Variants in TEX52 observed in about 807,000 individuals in gnomAD.
TEX52 encodes the protein testis expressed 52.
In TEX52, 22 loss-of-function variants were observed where a neutral mutation model predicts 17.6. That is an observed-to-expected ratio of 1.25 (90% CI 0.89 to 1.78). The LOEUF (loss-of-function observed/expected upper bound fraction) is 1.78. Among genes scored for constraint, TEX52 ranks in the 40% most tolerant of loss-of-function variants. TEX52 has a pLI of 0.00. For synonymous variants in TEX52, 168 were observed against 147.4 expected (o/e 1.14, Z -1.01); for missense variants, 396 against 372.3 (o/e 1.06, Z -0.52).
chr12:2,849,095 G>A lies in TEX52; in HGVS notation c.*136C>T. The A allele has an allele frequency of 1.2e-6, 1 of 867,420 alleles. No homozygotes were observed. The highest frequency in any genetic ancestry group is 1.7e-6 in the Non-Finnish European group (1 of 582,652). 53.7% of individuals were successfully genotyped at this position (867,420 alleles called of 1,614,324 possible). ...GGGGTACAGAGGTGGCTTGAGGCTG[G>A]GAGGATGGTGGAGAGGCTGTTCTGC... On this transcript the variant is annotated 3_prime_UTR_variant, in exon 3 of 3. Coordinates refer to ENST00000637658, the MANE Select transcript of TEX52 (RefSeq NM_001365174.2).
intron 2 of TEX52, 130 bp from the exon 3 acceptor site, chr12:2,849,655 C>T (rs1176176248): frequency 7.9e-6 from 8 of 1,010,534 alleles, no homozygotes; most frequent in Non-Finnish European, 1.1e-5. Context: ...CAGGGAATCC[C>T]TTCTGTCTCT....
intron 2 of TEX52, among the ~76,000 whole-genome samples, chr12:2,852,313 G>A (rs1414534284): frequency 6.6e-6 from 1 of 152,138 alleles, no homozygotes; most frequent in Non-Finnish European, 1.5e-5. Flanking sequence ...CTGTATGTAT[G>A]CTAGGCCCTG....
In TEX52 at chr12:2,855,407, A is replaced by T; in HGVS notation, c.112T>A (p.Trp38Arg). ...GGGAGGAAGAACTCACGCTGAGCCCACGTTTGGGAGGGTGGGAGGGACTCG... is the reference window on the plus strand; with the variant it reads ...GGGAGGAAGAACTCACGCTGAGCCCTCGTTTGGGAGGGTGGGAGGGACTCG... ...ASESLPPSQT[W>R]AQREFFLPSE... is the part of the protein sequence containing the mutation. The change falls in exon 2 of 3, where the codon TGG (tryptophan) becomes AGG (arginine). Residue 38 changes from tryptophan to arginine, a missense_variant. Transcript: ENST00000637658. 1 of 656,776 alleles carries T rather than the reference A, an allele frequency of 1.5e-6. No homozygotes were observed. The highest frequency in any genetic ancestry group is 2.3e-6 in the Non-Finnish European group (1 of 428,976). The allele number at this position is 656,776 out of a possible 1,614,324, so 40.7% of individuals were successfully genotyped here. A position where few individuals can be genotyped will look rare whatever the true frequency, so the allele number is the denominator to read the frequency against.
chr12:2,855,994 G>A (rs538885369), intron 1 of TEX52, among the ~76,000 whole-genome samples: 3 of 152,132 alleles, frequency 2.0e-5, no homozygotes, highest in Non-Finnish European at 2.9e-5. Flanking sequence ...TCATTAAAAC[G>A]CTAGTATAGA....
chr12:2,853,957 GC>G (rs1425408441), intron 2 of TEX52, among the ~76,000 whole-genome samples: 1 of 152,156 alleles, frequency 6.6e-6, no homozygotes, highest in African/African-American at 2.4e-5. Flanking sequence ...CCTTCCTGTG[GC>G]GGGGACACTC....
rs2098062964 is a variant in TEX52 at position 2,849,412 on chromosome 12, T to C, written c.737A>G (p.His246Arg). The C allele has an allele frequency of 1.3e-6, 2 of 1,536,028 alleles. No homozygotes were observed. The highest frequency in any genetic ancestry group is 2.7e-5 in the African/African-American group (2 of 73,030). The change falls in exon 3 of 3, where the codon CAC becomes CGC. Residue 246 changes from histidine (H) to arginine (R), a missense_variant. Transcript: ENST00000637658. ...CAGCTTTAGCACCTTCTCCTGGTAG[T>C]GAGGCAGAGGGTTTGGGCAGGGCCA... ...RSWPCPNPLPHYQEKVLKLAL... is the reference protein window; with the variant it reads ...RSWPCPNPLPRYQEKVLKLAL...
intron 2 of TEX52, among the ~76,000 whole-genome samples, chr12:2,850,618 C>T (rs1360361174): frequency 6.6e-6 from 1 of 152,132 alleles, no homozygotes; most frequent in African/African-American, 2.4e-5. Flanking sequence ...AGCTTCAGTG[C>T]TTCAGTGTGC....
chr12:2,853,718 C>T (rs1047306556), intron 2 of TEX52, among the ~76,000 whole-genome samples: 1 of 152,156 alleles, frequency 6.6e-6, no homozygotes, highest in Admixed American at 6.5e-5. Flanking sequence ...TGCCTTCCCC[C>T]TTTCTTGTTA....
intron 1 of TEX52, among the ~76,000 whole-genome samples, chr12:2,856,429 A>C (rs565338296): frequency 2.6e-5 from 4 of 152,134 alleles, no homozygotes; most frequent in African/African-American, 9.7e-5. Flanking sequence ...GCAATGGTGC[A>C]ATCTCGGCTC....
chr12:2,853,794 G>A (rs915001829), intron 2 of TEX52, among the ~76,000 whole-genome samples: 2 of 152,038 alleles, frequency 1.3e-5, no homozygotes, highest in African/African-American at 2.4e-5. Flanking sequence ...CAGGGTGGCC[G>A]GGAGGGGGAG....
At chr12:2,850,738 T>C (rs536946204) in intron 2 of TEX52, among the ~76,000 whole-genome samples, 1 of 151,662 alleles carries the variant, frequency 6.6e-6, no homozygotes, top group South Asian at 2.1e-4. Flanking sequence ...AGTGGCACGA[T>C]CTTGGCTCAC....
At chr12:2,855,544 G>A (rs983770741) in intron 1 of TEX52, 98 bp from the exon 2 acceptor site, 4 of 933,750 alleles carry the variant, frequency 4.3e-6, no homozygotes, top group East Asian at 5.8e-5. Flanking sequence ...CACGACCTCT[G>A]CCAGCCCAGG....
intron 2 of TEX52, among the ~76,000 whole-genome samples, chr12:2,852,436 G>GGCTA (rs2098074070): frequency 6.6e-6 from 1 of 152,014 alleles, no homozygotes; most frequent in Non-Finnish European, 1.5e-5. Context: ...GCACAGTGAT[G>GGCTA]GCTAACTGCA....
intron 2 of TEX52, among the ~76,000 whole-genome samples, chr12:2,854,086 C>T (rs1453530425): frequency 6.6e-6 from 1 of 152,170 alleles, no homozygotes; most frequent in African/African-American, 2.4e-5. Flanking sequence ...AGTGCAATGG[C>T]ACCATCTTGG....
chr12:2,854,411 C>A lies in TEX52; in HGVS notation c.623+485G>T, dbSNP rs926996574. Among the ~76,000 whole-genome samples, 19 of 152,230 alleles carry A rather than the reference C, an allele frequency of 1.2e-4. 1 individual carries two copies. The highest frequency in any genetic ancestry group is 7.9e-4 in the Admixed American group (12 of 15,282). On this transcript the variant is annotated intron_variant, in intron 2 of 2. Coordinates refer to ENST00000637658, the MANE Select transcript of TEX52 (RefSeq NM_001365174.2). ...GTGAGGTCGGTACCTGAGGCTCCCCCCTTCATCGGTGAGGGAGCTGAGGCT... is the reference window on the plus strand; with the variant it reads ...GTGAGGTCGGTACCTGAGGCTCCCCACTTCATCGGTGAGGGAGCTGAGGCT...
chr12:2,848,969 G>C, downstream of TEX52: 1 of 457,318 alleles, frequency 2.2e-6, no homozygotes, highest in South Asian at 2.6e-5. Flanking sequence ...TGTTCTCCCT[G>C]CTCTACCCAG....
Position 2,855,326 on chromosome 12 carries a change from G to C in TEX52, c.193C>G (p.Leu65Val), listed in dbSNP as rs1319952621. The change falls in exon 2 of 3, where the codon CTG becomes GTG. Residue 65 changes from leucine to valine, a missense_variant. Transcript: ENST00000637658. ...FTRQAYHQLA[L>V]KLPPCTDMKS... ...ATATCTGTGCAGGGCGGCAGCTTCA[G>C]AGCCAGCTGGTGGTAGGCTTGCCGG... The C allele has an allele frequency of 6.5e-7, 1 of 1,532,032 alleles. No homozygotes were observed. Among genetic ancestry groups the C allele is most frequent in the Non-Finnish European group, 8.7e-7 (1 of 1,144,008 alleles). The allele number at this position is 1,532,032 out of a possible 1,614,324, so 94.9% of individuals were successfully genotyped here.
intron 2 of TEX52, among the ~76,000 whole-genome samples, chr12:2,853,501 G>T (rs2098077710): frequency 1.3e-5 from 2 of 152,120 alleles, no homozygotes; most frequent in Non-Finnish European, 2.9e-5. Flanking sequence ...TCGAACTCCT[G>T]ACCTCAGGCG....
intron 2 of TEX52, among the ~76,000 whole-genome samples, chr12:2,850,495 A>C (rs2098066595): frequency 6.7e-6 from 1 of 149,778 alleles, no homozygotes; most frequent in East Asian, 2.0e-4. Context: ...AAAAAAAAAA[A>C]TGGGGCCCCA....
Sources: allele counts gnomAD v4.1 joint callset (sites outside exome capture counted in the v4.1 genomes callset), GRCh38; gene constraint gnomAD v4.1.1; transcripts MANE v1.5; gene names NCBI Gene and HGNC (gene_info 2026-07-23, HGNC 2026-07-21).